CPED1: variants seen among roughly 807,000 people sequenced by gnomAD.
The protein encoded by CPED1 is cadherin like and PC-esterase domain containing 1.
Under a neutral mutation model 128.2 loss-of-function variants are expected in CPED1, and 114 were observed. The ratio of observed to expected loss-of-function variants is 0.89; its 90% confidence interval spans 0.76 to 1.04. The LOEUF is 1.04. Ranked by LOEUF, CPED1 falls within the 50% of genes least tolerant of loss-of-function variation. CPED1 has a pLI of 0.00. For missense variants in CPED1, 1,211 were observed against 1,207.1 expected, an observed-to-expected ratio of 1.00 and a Z score of -0.05; for synonymous variants, 462 against 426.7, an observed-to-expected ratio of 1.08 and a Z score of -1.02.
rs145295000 is a variant in CPED1, at chr7:121,270,791, C to T, written c.2722-493C>T. On this transcript the variant is annotated intron_variant, in intron 21 of 22. Transcript: ENST00000310396. ...TGGTTACTGTAGCCTTATAGTATAG[C>T]CTGAAGTCACATAATGTGATGTGTT... Among the ~76,000 whole-genome samples, 404 of 151,946 alleles carry T rather than the reference C, an allele frequency of 2.7e-3. 4 individuals carry two copies. The highest frequency in any genetic ancestry group is 9.4e-3 in the African/African-American group (391 of 41,452).
At chr7:121,289,881 T>G (rs759319829) in intron 22 of CPED1, among the ~76,000 whole-genome samples, 6 of 152,216 alleles carry the variant, frequency 3.9e-5, no homozygotes, top group Non-Finnish European at 7.3e-5. Context: ...TAGGTATACA[T>G]GTGTCATGGT....
At chr7:121,116,669 T>A (rs1395873758) in intron 7 of CPED1, among the ~76,000 whole-genome samples, 2 of 152,048 alleles carry the variant, frequency 1.3e-5, no homozygotes, top group African/African-American at 4.8e-5. Context: ...CCTAATATGA[T>A]CAAAAACACA....
chr7:121,098,083 A>G (rs1794743717), intron 6 of CPED1, among the ~76,000 whole-genome samples: 1 of 152,210 alleles, frequency 6.6e-6, no homozygotes, highest in African/African-American at 2.4e-5. Context: ...ATTAAAGGAA[A>G]TTGAATTTAA....
chr7:121,275,348 G>A (rs1792309591), intron 22 of CPED1, among the ~76,000 whole-genome samples: 1 of 152,058 alleles, frequency 6.6e-6, no homozygotes, highest in Admixed American at 6.6e-5. Context: ...AGAAAAGCAG[G>A]TGTTTCTTTT....
intron 3 of CPED1, among the ~76,000 whole-genome samples, chr7:121,041,512 T>C (rs528482263): frequency 6.6e-6 from 1 of 152,274 alleles, no homozygotes; most frequent in Non-Finnish European, 1.5e-5. Flanking sequence ...TCCTTGAGAA[T>C]AAACAGCATT....
intron 15 of CPED1, among the ~76,000 whole-genome samples, chr7:121,141,604 A>T (rs1408057386): frequency 1.3e-5 from 2 of 151,904 alleles, no homozygotes; most frequent in East Asian, 3.9e-4. Flanking sequence ...CCAAACCCTG[A>T]CTCTTCTATG....
At chr7:121,067,065 G>A (rs548686402) in intron 5 of CPED1, among the ~76,000 whole-genome samples, 9 of 152,064 alleles carry the variant, frequency 5.9e-5, no homozygotes, top group Middle Eastern at 6.8e-3. Flanking sequence ...GGGGGCACAG[G>A]GGGTGGGGTG....
intron 5 of CPED1, among the ~76,000 whole-genome samples, chr7:121,092,285 C>CA (rs1489582245): frequency 2.8e-4 from 43 of 152,326 alleles, no homozygotes; most frequent in African/African-American, 9.9e-4. Context: ...TTTCCTAGGT[C>CA]TGAACAATAA....
chr7:121,092,807 G>A (rs1319477470), intron 5 of CPED1, among the ~76,000 whole-genome samples: 3 of 152,154 alleles, frequency 2.0e-5, no homozygotes, highest in Admixed American at 1.3e-4. Context: ...AACATGAGAA[G>A]TTAACAGTGG....
chr7:121,030,657 G>A (rs181155530), intron 3 of CPED1, among the ~76,000 whole-genome samples: 155 of 152,148 alleles, frequency 1.0e-3, no homozygotes, highest in Non-Finnish European at 1.1e-3. Context: ...CTAGTATATT[G>A]TTATAATTAT....
chr7:121,125,856 T>G lies in CPED1; in HGVS notation c.1098T>G (p.Ile366Met). The change falls in exon 9 of 23, where the codon ATT becomes ATG. Residue 366 changes from isoleucine (I) to methionine (M), a missense_variant. Ile to Met is a conservative substitution (Grantham distance 10). Transcript: ENST00000310396. ...GCTTTCAACTTCTAACTTTTGATAT[T>G]GGTTATGGCAGTTTCATGTACCCTG... is the stretch of plus-strand genomic sequence containing the variant. ...RFCFQLLTFD[I>M]GYGSFMYPVV... 6.2e-7 allele frequency: 1 copy of G among 1,613,756 alleles called. No individual in the cohort carries two copies. The highest frequency in any genetic ancestry group is 8.5e-7 in the Non-Finnish European group (1 of 1,179,740).
intron 10 of CPED1, among the ~76,000 whole-genome samples, chr7:121,127,994 T>C (rs1795551290): frequency 1.3e-5 from 2 of 152,204 alleles, no homozygotes; most frequent in African/African-American, 4.8e-5. Context: ...CAGTGAGTGC[T>C]CCAGATTGAC....
chr7:121,135,365 C>T (rs1795762612), intron 13 of CPED1, among the ~76,000 whole-genome samples: 1 of 151,902 alleles, frequency 6.6e-6, no homozygotes, highest in African/African-American at 2.4e-5. Flanking sequence ...TGTGTGTCCC[C>T]CTCTCCCCAG....
At chr7:121,230,739 TTTCTCTGCAA>T (rs983458919) in intron 16 of CPED1, among the ~76,000 whole-genome samples, 12 of 152,170 alleles carry the variant, frequency 7.9e-5, no homozygotes, top group African/African-American at 2.9e-4. Flanking sequence ...AAAAACAGGC[TTTCTCTGCAA>T]TTCTCTGCAA....
At chr7:121,169,930 C>G (rs10251982) in intron 16 of CPED1, among the ~76,000 whole-genome samples, 15,868 of 152,090 alleles carry the variant, frequency 0.1, 1,393 homozygotes, top group African/African-American at 0.24. Flanking sequence ...TAATCGATGT[C>G]TGTGGGAGGA....
chr7:121,159,638 C>G (rs1796368701), intron 16 of CPED1, among the ~76,000 whole-genome samples: 2 of 152,066 alleles, frequency 1.3e-5, no homozygotes, highest in Non-Finnish European at 2.9e-5. Context: ...GTGGATTCCC[C>G]AACCCATTAG....
chr7:121,202,780 C>T (rs986855375), intron 16 of CPED1, among the ~76,000 whole-genome samples: 12 of 152,012 alleles, frequency 7.9e-5, no homozygotes, highest in African/African-American at 2.9e-4. Flanking sequence ...ACCCATTTTG[C>T]AAGTGGTGAG....
At chr7:121,292,563 C>T (rs932440269) in intron 22 of CPED1, among the ~76,000 whole-genome samples, 6 of 151,868 alleles carry the variant, frequency 4.0e-5, no homozygotes, top group African/African-American at 7.3e-5. Context: ...CCCTTGCTGG[C>T]GAGGAGTTGC....
intron 2 of CPED1, among the ~76,000 whole-genome samples, chr7:120,999,620 T>A (rs1791771459): frequency 6.6e-6 from 1 of 152,140 alleles, no homozygotes; most frequent in Non-Finnish European, 1.5e-5. Context: ...GCTGATGGAA[T>A]TTAAATACAG....
Sources: gnomAD v4.1 joint callset for allele counts (sites outside exome capture counted in the v4.1 genomes callset) on GRCh38, gnomAD v4.1.1 for gene constraint, MANE v1.5 for transcripts, NCBI Gene and HGNC (gene_info 2026-07-23, HGNC 2026-07-21) for gene names.